TENM2: variants seen among roughly 807,000 people sequenced by gnomAD.
TENM2 encodes the protein teneurin-2.
TENM2 carries 52 observed loss-of-function variants against 245.2 expected under a neutral mutation model. That is an observed-to-expected ratio of 0.21 (90% CI 0.17 to 0.27). The LOEUF is 0.27. Ranked by LOEUF, TENM2 falls within the 10% of genes least tolerant of loss-of-function variation. TENM2 has a pLI of 1.00. For synonymous variants in TENM2, 1,363 were observed against 1,438.9 expected (o/e 0.95, Z 1.19); for missense variants, 3,046 against 3,666.8 (o/e 0.83, Z 4.37).
chr5:167,608,986 A>C (rs1777255054), intron 2 of TENM2, among the ~76,000 whole-genome samples: 4 of 102,964 alleles, frequency 3.9e-5, no homozygotes, highest in Admixed American at 2.8e-4. Flanking sequence ...ATTTTAATTA[A>C]ATAATGTAAA....
chr5:167,928,525 A>G (rs147954315), intron 3 of TENM2, among the ~76,000 whole-genome samples: 3 of 152,262 alleles, frequency 2.0e-5, no homozygotes, highest in African/African-American at 7.2e-5. Context: ...ACATTTAATT[A>G]TTTAGTTATT....
chr5:167,142,840 T>G, the TENM2 span, among the ~76,000 whole-genome samples: 1 of 152,098 alleles, frequency 6.6e-6, no homozygotes, highest in Non-Finnish European at 1.5e-5. Context: ...ATGAGCCATT[T>G]CTCCCAGCCT....
intron 2 of TENM2, among the ~76,000 whole-genome samples, chr5:167,673,433 A>G (rs570795373): frequency 2.0e-5 from 3 of 152,204 alleles, no homozygotes; most frequent in South Asian, 2.1e-4. Context: ...TAGTTGTCCA[A>G]TGGGGAAGTT....
chr5:167,229,403 TG>T, the TENM2 span, among the ~76,000 whole-genome samples: 5 of 152,152 alleles, frequency 3.3e-5, no homozygotes, highest in African/African-American at 9.7e-5. Context: ...GTGGGCTGGG[TG>T]GCTGAGCAGG....
At chr5:167,167,790 C>T in the TENM2 span, among the ~76,000 whole-genome samples, 1 of 152,094 alleles carries the variant, frequency 6.6e-6, no homozygotes, top group South Asian at 2.1e-4. Flanking sequence ...TAGCACCTGC[C>T]CTGGCACTTT....
Position 167,437,165 on chromosome 5 carries a change from G to A in TENM2, c.502+61692G>A, listed in dbSNP as rs371670332. Among the ~76,000 whole-genome samples the A allele has an allele frequency of 2.3e-3, 352 of 152,212 alleles. 20 individuals carry two copies. In the South Asian group the frequency reaches 0.07, roughly 30 times the overall value. On this transcript the variant is annotated intron_variant, in intron 2 of 28. Transcript: ENST00000518659. ...CAGCCCGTGAGAGCAGCCAGGAGGG[G>A]GGCTATACCCTACAAAGCCACAGGG...
chr5:167,988,461 T>C (rs1454439061), intron 4 of TENM2, among the ~76,000 whole-genome samples: 23 of 152,162 alleles, frequency 1.5e-4, no homozygotes, highest in Non-Finnish European at 2.9e-5. Context: ...TAGGCAGTTA[T>C]GACAGGGCAG....
chr5:167,343,673 A>G (rs138983429), intron 1 of TENM2, among the ~76,000 whole-genome samples: 2,184 of 152,316 alleles, frequency 0.014, 30 homozygotes, highest in Middle Eastern at 0.044. Context: ...TGATAACTAA[A>G]TACTTGTACT....
intron 1 of TENM2, among the ~76,000 whole-genome samples, chr5:167,362,871 TA>T (rs1164183683): frequency 1.3e-5 from 2 of 152,148 alleles, no homozygotes; most frequent in African/African-American, 4.8e-5. Context: ...AAGAGTACAA[TA>T]ATAATAATAG....
At chr5:167,279,514 T>TTCCTTCCTTCC in the TENM2 span, among the ~76,000 whole-genome samples, 12 of 98,212 alleles carry the variant, frequency 1.2e-4, no homozygotes, top group African/African-American at 3.7e-4. Context: ...CCTTCCTTCC[T>TTCCTTCCTTCC]TTCCTTCCTT....
chr5:167,511,832 G>A (rs535074163), intron 2 of TENM2, among the ~76,000 whole-genome samples: 1 of 152,256 alleles, frequency 6.6e-6, no homozygotes, highest in Admixed American at 6.5e-5. Context: ...GTTCAACTAA[G>A]GTGAGATTCC....
At chr5:167,280,680 T>C (rs1770990297), upstream of TENM2, among the ~76,000 whole-genome samples, 1 of 152,084 alleles carries the variant, frequency 6.6e-6, no homozygotes, top group African/African-American at 2.4e-5. Flanking sequence ...ACTTTTGTTG[T>C]CTGTGCCCAT....
chr5:167,084,154 A>G, the TENM2 span, among the ~76,000 whole-genome samples: 1 of 150,892 alleles, frequency 6.6e-6, no homozygotes, highest in Admixed American at 6.6e-5. Context: ...GTAACCAGAG[A>G]TGCCACATCA....
the TENM2 span, among the ~76,000 whole-genome samples, chr5:167,228,212 T>A: frequency 1.3e-5 from 2 of 151,874 alleles, no homozygotes; most frequent in African/African-American, 4.8e-5. Context: ...ATATTTTTAG[T>A]AGAGATGGGA....
the TENM2 span, among the ~76,000 whole-genome samples, chr5:167,234,588 G>C: frequency 1.3e-5 from 2 of 152,158 alleles, no homozygotes; most frequent in Non-Finnish European, 2.9e-5. Flanking sequence ...ACTTTTATCA[G>C]ACTCTGCCCA....
chr5:167,117,320 G>C, the TENM2 span, among the ~76,000 whole-genome samples: 1 of 152,088 alleles, frequency 6.6e-6, no homozygotes, highest in Non-Finnish European at 1.5e-5. Context: ...CGGCTAACAC[G>C]GTGAAACCCC....
intron 3 of TENM2, among the ~76,000 whole-genome samples, chr5:167,883,471 C>A (rs973715708): frequency 1.3e-5 from 2 of 152,244 alleles, no homozygotes; most frequent in Non-Finnish European, 2.9e-5. Flanking sequence ...CACTCTTCTG[C>A]ACCATGGTGC....
At chr5:167,505,102 C>T (rs578106622) in intron 2 of TENM2, among the ~76,000 whole-genome samples, 23 of 152,060 alleles carry the variant, frequency 1.5e-4, no homozygotes, top group Admixed American at 1.1e-3. Flanking sequence ...ATTCCATTAA[C>T]ATGGATGATT....
intron 3 of TENM2, among the ~76,000 whole-genome samples, chr5:167,932,193 A>G (rs929429562): frequency 1.3e-5 from 2 of 152,162 alleles, no homozygotes; most frequent in Non-Finnish European, 2.9e-5. Context: ...TCCATCGTGA[A>G]GGTCTCAGTC....
Sources: allele counts gnomAD v4.1 joint callset (sites outside exome capture counted in the v4.1 genomes callset), GRCh38; gene constraint gnomAD v4.1.1; transcripts MANE v1.5; gene names NCBI Gene and HGNC (gene_info 2026-07-23, HGNC 2026-07-21).